Variants in FKBP3 observed in about 807,000 individuals in gnomAD.
FKBP3 encodes the protein FKBP prolyl isomerase 3, also known as peptidyl-prolyl cis-trans isomerase FKBP3.
A neutral mutation model predicts 30.6 loss-of-function variants in FKBP3; 21 were observed. The observed-to-expected ratio is 0.69, with a 90% confidence interval of 0.49 to 0.99. FKBP3 has a LOEUF of 0.99. Among genes scored for constraint, FKBP3 ranks in the 50% least tolerant of loss-of-function variants. The pLI, the probability that FKBP3 is intolerant of heterozygous loss-of-function variation, is 0.00. For missense variants in FKBP3, 283 were observed against 261.6 expected, an observed-to-expected ratio of 1.08 and a Z score of -0.56; for synonymous variants, 82 against 91.3, an observed-to-expected ratio of 0.90 and a Z score of 0.58.
intron 3 of FKBP3, among the ~76,000 whole-genome samples, chr14:45,125,997 C>T (rs1368059181): frequency 6.6e-6 from 1 of 151,922 alleles, no homozygotes; most frequent in African/African-American, 2.4e-5. Context: ...CTCCCAGGCT[C>T]AAAGGATCCT....
chr14:45,129,846 T>C lies in FKBP3; in HGVS notation c.266A>G (p.Lys89Arg), dbSNP rs748605260. The change falls in exon 3 of 7, where the codon AAG (lysine) becomes AGG (arginine). Residue 89 changes from lysine to arginine, a missense_variant. By Grantham distance (26) the Lys-to-Arg change is conservative. Transcript: ENST00000396062. ...SKVSEQVKNV[K>R]LNEDKPKETK... ...TTCTTTGGGTTTATCTTCATTAAGC[T>C]TCACATTTTTTACTTGCTCAGACAC... is the stretch of plus-strand genomic sequence containing the variant. The C allele has an allele frequency of 2.5e-6, 4 of 1,613,260 alleles. No individual in the cohort carries two copies. The South Asian group carries it at 4.4e-5, about 18-fold the overall frequency.
intron 1 of FKBP3, among the ~76,000 whole-genome samples, chr14:45,131,578 G>A (rs1479929154): frequency 7.1e-6 from 1 of 141,738 alleles, no homozygotes; most frequent in Non-Finnish European, 1.5e-5. Context: ...GCAGTGAGCC[G>A]AGATCGCACC....
chr14:45,127,115 C>CTTTTTTTTTTTTTTTTTTTTTTTTTTTTT (rs1231283034), intron 3 of FKBP3, among the ~76,000 whole-genome samples: 4 of 120,672 alleles, frequency 3.3e-5, no homozygotes, highest in Middle Eastern at 4.5e-3. Context: ...CTGACCCTGT[C>CTTTTTTTTTTTTTTTTTTTTTTTTTTTTT]TTTTTTTTTT....
intron 5 of FKBP3, among the ~76,000 whole-genome samples, chr14:45,119,209 A>G (rs1010713308): frequency 1.3e-5 from 2 of 152,214 alleles, no homozygotes; most frequent in African/African-American, 4.8e-5. Flanking sequence ...TATATGCTGT[A>G]TTGAAATGCA....
intron 1 of FKBP3, among the ~76,000 whole-genome samples, chr14:45,132,035 T>G (rs1885228676): frequency 6.6e-6 from 1 of 152,250 alleles, no homozygotes; most frequent in South Asian, 2.1e-4. Flanking sequence ...CTGCTTCTTT[T>G]TCTGCCTTGT....
intron 5 of FKBP3, among the ~76,000 whole-genome samples, chr14:45,119,506 T>C (rs1594741181): frequency 6.6e-6 from 1 of 150,810 alleles, no homozygotes; most frequent in Admixed American, 6.6e-5. Context: ...GAGACAGAGG[T>C]TGCAGTAAGC....
At chr14:45,132,402 T>C (rs370024622) in intron 1 of FKBP3, among the ~76,000 whole-genome samples, 2 of 152,080 alleles carry the variant, frequency 1.3e-5, no homozygotes, top group South Asian at 2.1e-4. Context: ...CGGAGATTAT[T>C]ATTATTAATT....
intron 6 of FKBP3, among the ~76,000 whole-genome samples, chr14:45,116,793 T>C (rs1291518110): frequency 3.3e-5 from 5 of 151,642 alleles, no homozygotes; most frequent in African/African-American, 1.2e-4. Flanking sequence ...GAGGCAGAGG[T>C]TGCAGCAAGC....
intron 5 of FKBP3, among the ~76,000 whole-genome samples, chr14:45,120,295 G>C (rs1179077426): frequency 6.6e-6 from 1 of 152,096 alleles, no homozygotes; most frequent in African/African-American, 2.4e-5. Context: ...TGGTCAGTAC[G>C]GGTCAAGCCT....
intron 6 of FKBP3, among the ~76,000 whole-genome samples, chr14:45,116,979 C>T (rs1458394370): frequency 6.6e-6 from 1 of 150,526 alleles, no homozygotes; most frequent in Non-Finnish European, 1.5e-5. Context: ...GATTTCCCCG[C>T]CCCCCCCACC....
intron 1 of FKBP3, among the ~76,000 whole-genome samples, chr14:45,132,393 G>A (rs138189267): frequency 4.3e-4 from 65 of 151,980 alleles, no homozygotes; most frequent in African/African-American, 1.4e-3. Flanking sequence ...AATGATCACC[G>A]GAGATTATTA....
intron 1 of FKBP3, 151 bp from the exon 2 acceptor site, chr14:45,130,951 C>A: frequency 2.1e-6 from 1 of 480,066 alleles, no homozygotes; most frequent in Non-Finnish European, 3.7e-6. Context: ...CTCTTTGTTA[C>A]AAAAAAAGTA....
At chr14:45,125,635 T>C (rs1262689224) in intron 3 of FKBP3, among the ~76,000 whole-genome samples, 1 of 152,200 alleles carries the variant, frequency 6.6e-6, no homozygotes, top group African/African-American at 2.4e-5. Flanking sequence ...ATAAGAGCTA[T>C]TAGACAAGTC....
chr14:45,133,524 TA>T (rs1173666668), intron 1 of FKBP3: 1 of 155,196 alleles, frequency 6.4e-6, no homozygotes, highest in Non-Finnish European at 1.5e-5. Context: ...TTTAGAATTT[TA>T]AAAATTGTAT....
chr14:45,124,956 G>T (rs1378301350), intron 3 of FKBP3, among the ~76,000 whole-genome samples: 3 of 152,120 alleles, frequency 2.0e-5, no homozygotes, highest in Non-Finnish European at 2.9e-5. Context: ...TCACTCTGTT[G>T]CCCAGGCTGG....
intron 3 of FKBP3, 30 bp downstream of exon 3, chr14:45,129,764 G>T: frequency 1.5e-6 from 2 of 1,335,476 alleles, no homozygotes; most frequent in South Asian, 2.7e-5. Context: ...GACTCCACAT[G>T]ATAAAATAAA....
intron 4 of FKBP3, 108 bp from the exon 5 acceptor site, chr14:45,121,062 C>A: frequency 1.1e-6 from 1 of 899,664 alleles, no homozygotes; most frequent in Non-Finnish European, 1.7e-6. Context: ...GGTTTGATTT[C>A]AGAATTACAA....
chr14:45,119,357 T>A (rs953636203), intron 5 of FKBP3, among the ~76,000 whole-genome samples: 2 of 152,038 alleles, frequency 1.3e-5, no homozygotes, highest in Non-Finnish European at 2.9e-5. Context: ...GGGCGATCAC[T>A]TGAGGTCAGC....
Position 45,115,623 on chromosome 14 carries a change from G to C in FKBP3, c.*575C>G, listed in dbSNP as rs1222273475. 1 of 152,436 alleles carries C rather than the reference G, an allele frequency of 6.6e-6. No individual in the cohort carries two copies. The highest frequency in any genetic ancestry group is 1.5e-5 in the Non-Finnish European group (1 of 67,988). 9.4% of individuals were successfully genotyped at this position (152,436 alleles called of 1,614,324 possible). A position where few individuals can be genotyped will look rare whatever the true frequency, so the allele number is the denominator to read the frequency against. ...GTAATTGTTTATGAATTTATTTTGGGGGGATCAATTAGTAATATTAACCTT... is the reference window on the plus strand; with the variant it reads ...GTAATTGTTTATGAATTTATTTTGGCGGGATCAATTAGTAATATTAACCTT... On this transcript the variant is annotated 3_prime_UTR_variant, in exon 7 of 7. Coordinates refer to ENST00000396062, the MANE Select transcript of FKBP3 (RefSeq NM_002013.4).
Sources: gnomAD v4.1 joint callset for allele counts (sites outside exome capture counted in the v4.1 genomes callset) on GRCh38, gnomAD v4.1.1 for gene constraint, MANE v1.5 for transcripts, NCBI Gene and HGNC (gene_info 2026-07-23, HGNC 2026-07-21) for gene names.